The following STAG3 variants were observed in gnomAD, a reference collection of about 807,000 sequenced individuals.
The protein encoded by STAG3 is STAG3 cohesin complex component.
A neutral mutation model predicts 160.7 loss-of-function variants in STAG3; 101 were observed. That is an observed-to-expected ratio of 0.63 (90% CI 0.54 to 0.74). STAG3 has a LOEUF of 0.74. Among genes scored for constraint, STAG3 ranks in the 30% least tolerant of loss-of-function variants. The pLI, the probability that STAG3 is intolerant of heterozygous loss-of-function variation, is 0.00. For synonymous variants in STAG3, 519 were observed against 585.0 expected, an observed-to-expected ratio of 0.89 and a Z score of 1.63; for missense variants, 1,188 against 1,517.4, an observed-to-expected ratio of 0.78 and a Z score of 3.61.
intron 5 of STAG3, among the ~76,000 whole-genome samples, chr7:100,187,109 G>A (rs1210919666): frequency 6.6e-6 from 1 of 151,722 alleles, no homozygotes; most frequent in Non-Finnish European, 1.5e-5. Flanking sequence ...TCGGCTCACT[G>A]CAACCTCTAC....
chr7:100,206,727 C>T (rs1194453987), intron 29 of STAG3, among the ~76,000 whole-genome samples: 1 of 152,110 alleles, frequency 6.6e-6, no homozygotes, highest in African/African-American at 2.4e-5. Context: ...ACCTCAGCCT[C>T]CCAAAGTGCT....
chr7:100,197,681 G>C, intron 10 of STAG3, 97 bp from the exon 11 acceptor site: 1 of 968,628 alleles, frequency 1.0e-6, no homozygotes. Flanking sequence ...ACCCAAGCTA[G>C]AATGAGGGAT....
chr7:100,196,259 A>C (rs1232072530), intron 9 of STAG3, among the ~76,000 whole-genome samples: 1 of 151,418 alleles, frequency 6.6e-6, no homozygotes, highest in Non-Finnish European at 1.5e-5. Flanking sequence ...ACACTCACAC[A>C]CTTTGGCCAA....
At chr7:100,205,943 T>G (rs190288295) in intron 29 of STAG3, among the ~76,000 whole-genome samples, 25 of 152,314 alleles carry the variant, frequency 1.6e-4, no homozygotes, top group African/African-American at 6.0e-4. Flanking sequence ...CCTTGGACAC[T>G]TTTACACAAC....
intron 9 of STAG3, among the ~76,000 whole-genome samples, chr7:100,195,586 T>C (rs1210301995): frequency 6.6e-6 from 1 of 152,212 alleles, no homozygotes; most frequent in Non-Finnish European, 1.5e-5. Flanking sequence ...TGTAAGTGCT[T>C]CTGGGAGAAA....
chr7:100,187,504 T>C (rs911965492), intron 5 of STAG3, among the ~76,000 whole-genome samples: 2 of 152,168 alleles, frequency 1.3e-5, no homozygotes, highest in Non-Finnish European at 2.9e-5. Flanking sequence ...CTGAAGCCTT[T>C]GTACAGGCCT....
chr7:100,209,068 CAA>C (rs1563002798), intron 29 of STAG3, among the ~76,000 whole-genome samples: 1 of 151,988 alleles, frequency 6.6e-6, no homozygotes, highest in Non-Finnish European at 1.5e-5. Context: ...GGGAGCAAGA[CAA>C]AGAAACTATT....
chr7:100,211,679 G>A, intron 31 of STAG3, 116 bp from the exon 32 acceptor site: 1 of 1,402,690 alleles, frequency 7.1e-7, no homozygotes, highest in Non-Finnish European at 9.9e-7. Flanking sequence ...AGCACAATCG[G>A]GAAACTACTA....
chr7:100,180,825 G>A, intron 2 of STAG3, 153 bp downstream of exon 2: 1 of 575,762 alleles, frequency 1.7e-6, no homozygotes, highest in East Asian at 3.0e-5. Context: ...TCCAGCTCCA[G>A]GTGTTTTTTT....
At chr7:100,189,131 T>G (rs1800204514) in intron 7 of STAG3, 115 bp downstream of exon 7, 1 of 1,173,976 alleles carries the variant, frequency 8.5e-7, no homozygotes, top group African/African-American at 1.5e-5. Flanking sequence ...TTCAAGGCCA[T>G]GCCTCTTTTA....
At position 100,199,594 on chromosome 7, in the gene STAG3, C is replaced by T. The variant is rs544394583; in HGVS notation, c.1627C>T (p.Arg543Trp). The T allele has an allele frequency of 2.8e-5, 45 of 1,596,090 alleles. No homozygotes were observed. The highest frequency in any genetic ancestry group is 8.5e-5 in the Admixed American group (5 of 58,530). Residue 543 changes from arginine (R) to tryptophan (W), a missense_variant, in exon 16 of 34, where the codon CGG becomes TGG. Coordinates refer to ENST00000615138, the MANE Select transcript of STAG3 (RefSeq NM_001282717.2). Reference protein sequence around the residue: ...TLIEILVSSARQASEGHPPVG... With the variant: ...TLIEILVSSAWQASEGHPPVG... ...GATAGAAATCCTTGTGTCCAGTGCCCGGCAAGCTTCAGAGGGGCACCCGCC... is the reference window on the plus strand; with the variant it reads ...GATAGAAATCCTTGTGTCCAGTGCCTGGCAAGCTTCAGAGGGGCACCCGCC...
At chr7:100,183,336 T>A (rs1799775296) in intron 4 of STAG3, among the ~76,000 whole-genome samples, 1 of 152,190 alleles carries the variant, frequency 6.6e-6, no homozygotes, top group African/African-American at 2.4e-5. Flanking sequence ...GTTCTTTTCT[T>A]AAAGGTATCA....
At chr7:100,189,632 C>T (rs1800236009) in intron 8 of STAG3, 36 bp downstream of exon 8, 14 of 1,593,186 alleles carry the variant, frequency 8.8e-6, no homozygotes, top group Non-Finnish European at 1.2e-5. Context: ...TTCCCTTTTT[C>T]CCAACTTGCA....
At position 100,211,556 on chromosome 7, in the gene STAG3, A is replaced by C; in HGVS notation, c.3518+17A>C. 2 of 1,611,350 alleles carry C rather than the reference A, an allele frequency of 1.2e-6. No homozygotes were observed. Among genetic ancestry groups the C allele is most frequent in the East Asian group, 2.2e-5 (1 of 44,826 alleles). ...GCTGATGCGGTGAGCTTTTCTCATCATCTCCTGTCTTCACTTCAGATCTGT... is the reference window on the plus strand; with the variant it reads ...GCTGATGCGGTGAGCTTTTCTCATCCTCTCCTGTCTTCACTTCAGATCTGT... On this transcript the variant is annotated intron_variant, in intron 31 of 33. Coordinates refer to ENST00000615138, the MANE Select transcript of STAG3 (RefSeq NM_001282717.2).
In STAG3 at chr7:100,198,496, G is replaced by A. The variant is rs372418212; in HGVS notation, c.1266G>A (p.Thr422=). Residue 422 remains threonine (T), a synonymous_variant, in exon 13 of 34, where the codon ACG becomes ACA. Coordinates refer to ENST00000615138, the MANE Select transcript of STAG3 (RefSeq NM_001282717.2). Reference sequence around the variant, plus strand: ...GCAGGAACATGGAAGGGGTGCTGACGGACGCGGATTGTGAGAGCGTCTACC... The same window carrying A: ...GCAGGAACATGGAAGGGGTGCTGACAGACGCGGATTGTGAGAGCGTCTACC... ...LILKNMEGVL[T]DADCESVYPV... is the part of the protein sequence containing the mutation. The A allele has an allele frequency of 1.1e-5, 17 of 1,614,072 alleles. No homozygotes were observed. The highest frequency in any genetic ancestry group is 8.0e-5 in the African/African-American group (6 of 74,912).
At chr7:100,196,011 C>T (rs996891869) in intron 9 of STAG3, among the ~76,000 whole-genome samples, 2 of 152,084 alleles carry the variant, frequency 1.3e-5, no homozygotes, top group African/African-American at 4.8e-5. Flanking sequence ...TCCCTGTAAT[C>T]CCAGCTGCTC....
intron 29 of STAG3, among the ~76,000 whole-genome samples, chr7:100,208,079 G>A (rs1202361493): frequency 6.6e-6 from 1 of 151,736 alleles, no homozygotes; most frequent in Non-Finnish European, 1.5e-5. Context: ...TTGTTCCACT[G>A]CACTCCAACC....
chr7:100,198,575 T>A lies in STAG3; in HGVS notation c.1345T>A (p.Tyr449Asn). 6.2e-7 allele frequency: 1 copy of A among 1,613,618 alleles called. No homozygotes were observed. The highest frequency in any genetic ancestry group is 8.5e-7 in the Non-Finnish European group (1 of 1,179,894). The change falls in exon 13 of 34, where the codon TAC becomes AAC. Residue 449 changes from tyrosine (Y) to asparagine (N), a missense_variant. Coordinates refer to ENST00000615138, the MANE Select transcript of STAG3 (RefSeq NM_001282717.2). Reference sequence around the variant, plus strand: ...GGCCTCTGCCGCAGGCGAATTTCTGTACTGGAAGTGAGTGGGGCTCCTTTT... The same window carrying A: ...GGCCTCTGCCGCAGGCGAATTTCTGAACTGGAAGTGAGTGGGGCTCCTTTT... The part of the protein sequence containing the change: ...GLASAAGEFL[Y>N]WKLFYPECEI...
rs10260215 is a variant in STAG3 at position 100,199,274 on chromosome 7, G to A, written c.1480G>A (p.Ala494Thr). 3.2e-5 allele frequency: 51 copies of A among 1,613,536 alleles called. No individual in the cohort carries two copies. The African/African-American group carries it at 4.3e-4, about 14-fold the overall frequency. The change falls in exon 15 of 34, where the codon GCT (alanine) becomes ACT (threonine). Residue 494 changes from alanine to threonine, a missense_variant. By Grantham distance (58) the Ala-to-Thr change is moderately conservative. Transcript: ENST00000615138. ...CGTTCTCCCCTAGCTCCATGACCAC[G>A]CTGCTTACTTAGTAGACAGTCTGTG... is the stretch of plus-strand genomic sequence containing the variant. ...FFVESELHDH[A>T]AYLVDSLWDC... is the part of the protein sequence containing the mutation.
Sources: allele counts gnomAD v4.1 joint callset (sites outside exome capture counted in the v4.1 genomes callset), GRCh38; gene constraint gnomAD v4.1.1; transcripts MANE v1.5; gene names NCBI Gene and HGNC (gene_info 2026-07-23, HGNC 2026-07-21).